The following TCERG1L variants were observed in gnomAD, a reference collection of about 807,000 sequenced individuals.
TCERG1L encodes the protein transcription elongation regulator 1 like.
A neutral mutation model predicts 56.3 loss-of-function variants in TCERG1L; 37 were observed. That is an observed-to-expected ratio of 0.66 (90% CI 0.51 to 0.87). TCERG1L has a LOEUF of 0.87. TCERG1L is among the 40% of genes least tolerant of loss of function. The pLI, the probability that TCERG1L is intolerant of heterozygous loss-of-function variation, is 0.00. For synonymous variants in TCERG1L, 324 were observed against 326.3 expected (o/e 0.99, Z 0.08); for missense variants, 799 against 774.2 (o/e 1.03, Z -0.38).
At chr10:131,130,299 CT>C in intron 8 of TCERG1L, among the ~76,000 whole-genome samples, 2 of 152,274 alleles carry the variant, frequency 1.3e-5, no homozygotes, top group South Asian at 4.1e-4. Context: ...ATTCAATTAC[CT>C]CCCACTGGGT....
intron 4 of TCERG1L, among the ~76,000 whole-genome samples, chr10:131,177,384 G>C (rs921124051): frequency 7.9e-5 from 12 of 152,238 alleles, no homozygotes; most frequent in Admixed American, 4.6e-4. Context: ...TGTGCCCTCC[G>C]TGTGCCAGAA....
chr10:131,252,583 G>A (rs779194035), intron 4 of TCERG1L, among the ~76,000 whole-genome samples: 14 of 152,064 alleles, frequency 9.2e-5, no homozygotes, highest in African/African-American at 1.7e-4. Flanking sequence ...TGTTGGGACC[G>A]GAAGACTCTC....
chr10:131,187,035 T>C (rs564082312), intron 4 of TCERG1L, among the ~76,000 whole-genome samples: 1 of 152,318 alleles, frequency 6.6e-6, no homozygotes, highest in Non-Finnish European at 1.5e-5. Flanking sequence ...CTCTTTGTCC[T>C]TCCAGCCCAC....
chr10:131,287,125 T>C (rs868410739), intron 3 of TCERG1L, among the ~76,000 whole-genome samples: 8 of 152,348 alleles, frequency 5.3e-5, no homozygotes, highest in South Asian at 2.1e-4. Context: ...AAATTCCATG[T>C]GATGTTAGCA....
intron 4 of TCERG1L, among the ~76,000 whole-genome samples, chr10:131,255,017 T>C (rs1009549619): frequency 6.6e-6 from 1 of 151,872 alleles, no homozygotes; most frequent in African/African-American, 2.4e-5. Context: ...CTCATTCTTA[T>C]CTATGGAACA....
intron 6 of TCERG1L, among the ~76,000 whole-genome samples, chr10:131,156,760 T>C (rs1239748732): frequency 1.3e-5 from 2 of 151,880 alleles, no homozygotes; most frequent in East Asian, 1.9e-4. Flanking sequence ...CCCAGTCACA[T>C]ACCCCCTGCT....
intron 6 of TCERG1L, among the ~76,000 whole-genome samples, chr10:131,156,779 C>T (rs767992896): frequency 2.0e-5 from 3 of 152,094 alleles, no homozygotes; most frequent in African/African-American, 4.8e-5. Context: ...CTTGCTCAAT[C>T]GATCACGACC....
rs1024331340 is a variant in TCERG1L, at chr10:131,103,098, T to C, written c.1485+1167A>G. On this transcript the variant is annotated intron_variant, in intron 10 of 11. Transcript: ENST00000368642. This position sits in a 1 kb window ranked among gnomAD's most constrained non-coding sequence, Gnocchi z 4.3. Reference sequence around the variant, plus strand: ...TAGTGTTCTCTGGACCACTCCTATTTCATCACTATTATTGTCAACCTGAAG... The same window carrying C: ...TAGTGTTCTCTGGACCACTCCTATTCCATCACTATTATTGTCAACCTGAAG... 1.3e-5 allele frequency among the ~76,000 whole-genome samples: 2 copies of C among 151,810 alleles called. No homozygotes were observed. Among genetic ancestry groups the C allele is most frequent in the African/African-American group, 4.8e-5 (2 of 41,356 alleles).
At chr10:131,139,673 C>T (rs1011466583) in intron 7 of TCERG1L, among the ~76,000 whole-genome samples, 1 of 140,050 alleles carries the variant, frequency 7.1e-6, no homozygotes, top group Admixed American at 7.2e-5. Flanking sequence ...CAAGGCTATG[C>T]ATATGTGTGT....
At chr10:131,165,786 G>T (rs936891968) in intron 5 of TCERG1L, among the ~76,000 whole-genome samples, 4 of 152,184 alleles carry the variant, frequency 2.6e-5, no homozygotes, top group Non-Finnish European at 4.4e-5. Context: ...ACTTACCGAG[G>T]TCTTCTCCAC....
chr10:131,311,657 C>T lies in TCERG1L; in HGVS notation c.-22G>A. On this transcript the variant is annotated 5_prime_UTR_variant, in exon 1 of 12. Coordinates refer to ENST00000368642, the MANE Select transcript of TCERG1L (RefSeq NM_174937.4). This position sits in a 1 kb window ranked among gnomAD's most constrained non-coding sequence, Gnocchi z 4.0. ...GCATCCTACATCCCCGCGCTGACGGCGGCGGCGGGGGCGGCGGGCGCCCGA... is the reference window on the plus strand; with the variant it reads ...GCATCCTACATCCCCGCGCTGACGGTGGCGGCGGGGGCGGCGGGCGCCCGA... 9.1e-7 allele frequency: 1 copy of T among 1,102,456 alleles called. No homozygotes were observed. The highest frequency in any genetic ancestry group is 1.1e-6 in the Non-Finnish European group (1 of 903,582). 68.3% of individuals were successfully genotyped at this position (1,102,456 alleles called of 1,614,324 possible).
intron 8 of TCERG1L, among the ~76,000 whole-genome samples, chr10:131,119,553 C>A (rs141580084): frequency 4.9e-4 from 75 of 152,272 alleles, no homozygotes; most frequent in African/African-American, 1.7e-3. Flanking sequence ...TAAGAACAGG[C>A]GCATTCTGAC....
chr10:131,228,084 G>C (rs957828959), intron 4 of TCERG1L, among the ~76,000 whole-genome samples: 4 of 151,474 alleles, frequency 2.6e-5, no homozygotes, highest in Non-Finnish European at 5.9e-5. Flanking sequence ...CTGGACCTCC[G>C]AGCCCCTGAC....
At chr10:131,160,007 A>G (rs932984070) in intron 6 of TCERG1L, among the ~76,000 whole-genome samples, 1 of 152,176 alleles carries the variant, frequency 6.6e-6, no homozygotes, top group Non-Finnish European at 1.5e-5. Flanking sequence ...CTCTGCATTC[A>G]GGTGGGGCTG....
intron 1 of TCERG1L, 59 bp from the exon 2 acceptor site, chr10:131,309,358 T>C (rs1419666750): frequency 1.9e-6 from 3 of 1,542,852 alleles, no homozygotes; most frequent in African/African-American, 1.4e-5. Flanking sequence ...CTCGACTTCA[T>C]GCCAAAACAT....
At chr10:131,289,529 C>T (rs111544603) in intron 3 of TCERG1L, among the ~76,000 whole-genome samples, 48 of 59,430 alleles carry the variant, frequency 8.1e-4, no homozygotes, top group East Asian at 1.2e-3. Flanking sequence ...CCTCCATCTC[C>T]TATCGGTGTG....
chr10:131,166,221 G>A (rs1321713729), intron 5 of TCERG1L, among the ~76,000 whole-genome samples: 3 of 152,240 alleles, frequency 2.0e-5, no homozygotes, highest in African/African-American at 7.2e-5. Flanking sequence ...AAGAGATAAT[G>A]TTGACAAATA....
At chr10:131,146,278 A>G (rs999170811) in intron 7 of TCERG1L, among the ~76,000 whole-genome samples, 2 of 152,122 alleles carry the variant, frequency 1.3e-5, no homozygotes, top group African/African-American at 4.8e-5. Context: ...TGCGTTAATC[A>G]CCTTACGTGA....
rs139749125 is a variant in TCERG1L, at chr10:131,260,981, C to T, written c.671-537G>A. Among the ~76,000 whole-genome samples, 1,734 of 151,166 alleles carry T rather than the reference C, an allele frequency of 0.011. 40 individuals are homozygous for T. Among genetic ancestry groups the T allele is most frequent in the African/African-American group, 0.039 (1,617 of 41,152 alleles). ...GTTTCCAGAGGGCACCAGGCTCAGC[C>T]GGGCCCTGCAGGGAGAGGGTGGACA... is the stretch of plus-strand genomic sequence containing the variant. On this transcript the variant is annotated intron_variant, in intron 3 of 11. Transcript: ENST00000368642. This position sits in a 1 kb window ranked among gnomAD's most constrained non-coding sequence, Gnocchi z 5.8.
Sources: allele counts gnomAD v4.1 joint callset (sites outside exome capture counted in the v4.1 genomes callset), GRCh38; gene constraint gnomAD v4.1.1; non-coding constraint Gnocchi (gnomAD v3.1); transcripts MANE v1.5; gene names NCBI Gene and HGNC (gene_info 2026-07-23, HGNC 2026-07-21).